GLIS1: variants seen among roughly 807,000 people sequenced by gnomAD.
GLIS1 encodes the protein zinc finger protein GLIS1.
A neutral mutation model predicts 63.8 loss-of-function variants in GLIS1; 24 were observed. The observed-to-expected ratio is 0.38, with a 90% confidence interval of 0.27 to 0.53. GLIS1 has a LOEUF of 0.53. GLIS1 is among the 20% of genes least tolerant of loss of function. The pLI is 0.85. For synonymous variants in GLIS1, 450 were observed against 482.5 expected, an observed-to-expected ratio of 0.93 and a Z score of 0.88; for missense variants, 1,036 against 1,074.1, an observed-to-expected ratio of 0.96 and a Z score of 0.50.
chr1:53,737,982 G>A lies in GLIS1; in HGVS notation c.83C>T (p.Ala28Val). The A allele has an allele frequency of 8.1e-7, 1 of 1,230,410 alleles. No homozygotes were observed. Among genetic ancestry groups the A allele is most frequent in the Non-Finnish European group, 1.0e-6 (1 of 987,066 alleles). The allele number at this position is 1,230,410 out of a possible 1,614,324, so 76.2% of individuals were successfully genotyped here. The stretch of plus-strand genomic sequence containing the variant: ...GAAGGCCATGTGCGCGCCGAGGCTG[G>A]CGGGGCCGCGGTCGGGGCCGGGCGC... ...PGAPGPDRGP[A>V]SLGAHMAFRV... Residue 28 changes from alanine to valine, a missense_variant, in exon 2 of 11, where the codon GCC (alanine) becomes GTC (valine). Physicochemically the swap from Ala to Val is moderately conservative, Grantham distance 64. Transcript: ENST00000628545.
At chr1:53,589,547 C>T (rs1645168307) in intron 4 of GLIS1, among the ~76,000 whole-genome samples, 1 of 152,230 alleles carries the variant, frequency 6.6e-6, no homozygotes, top group Admixed American at 6.5e-5. Context: ...GTTCTGAGTT[C>T]CTTGGCTAGT....
rs1352180585 is a variant in GLIS1, at chr1:53,574,384, T to A, written c.1320+19724A>T. Reference sequence around the variant, plus strand: ...GTACTCAATAAGATTATTGAATGAATGAACACTTCTCACCTTGGAAGACAG... The same window carrying A: ...GTACTCAATAAGATTATTGAATGAAAGAACACTTCTCACCTTGGAAGACAG... On this transcript the variant is annotated intron_variant, in intron 4 of 10. Transcript: ENST00000628545. The surrounding 1 kb of genome is among the most constrained non-coding windows in gnomAD (Gnocchi z 4.2). Among the ~76,000 whole-genome samples, 3 of 152,202 alleles carry A rather than the reference T, an allele frequency of 2.0e-5. No homozygotes were observed. The highest frequency in any genetic ancestry group is 6.5e-5 in the Admixed American group (1 of 15,282).
intron 3 of GLIS1, among the ~76,000 whole-genome samples, chr1:53,595,936 A>G (rs1645251420): frequency 6.6e-6 from 1 of 152,196 alleles, no homozygotes; most frequent in South Asian, 2.1e-4. Context: ...ATTTTGGGGA[A>G]AAGCCATGGG....
In GLIS1 at chr1:53,594,322, C is replaced by T. The variant is rs149706629; in HGVS notation, c.1106G>A (p.Arg369Gln). The stretch of plus-strand genomic sequence containing the variant: ...GCAGTCCACCCAGCGGCACGCCTGC[C>T]GCCCGGCCACCACCCTGCCTGCCAG... ...LGLAGRVVAG[R>Q]QACRWVDCCA... Residue 369 changes from arginine to glutamine, a missense_variant, in exon 4 of 11, where the codon CGG (arginine) becomes CAG (glutamine). Transcript: ENST00000628545. 1.3e-5 allele frequency: 21 copies of T among 1,611,688 alleles called. No homozygotes were observed. Among genetic ancestry groups the T allele is most frequent in the Non-Finnish European group, 1.7e-5 (20 of 1,179,562 alleles).
At chr1:53,518,104 A>G (rs904387179) in intron 7 of GLIS1, among the ~76,000 whole-genome samples, 1 of 152,190 alleles carries the variant, frequency 6.6e-6, no homozygotes, top group Non-Finnish European at 1.5e-5. Context: ...CGGCCTGCAG[A>G]AGAACCCAGC....
chr1:53,688,217 C>T (rs1313857370), intron 2 of GLIS1, among the ~76,000 whole-genome samples: 1 of 152,264 alleles, frequency 6.6e-6, no homozygotes, highest in Non-Finnish European at 1.5e-5. Flanking sequence ...AACATCCCCA[C>T]GGGCTCATCG....
At chr1:53,510,990 G>GCCCA (rs1644293244) in intron 8 of GLIS1, among the ~76,000 whole-genome samples, 1 of 152,120 alleles carries the variant, frequency 6.6e-6, no homozygotes, top group African/African-American at 2.4e-5. Context: ...AGCCCAGCCC[G>GCCCA]AGGGCCCACT....
intron 2 of GLIS1, among the ~76,000 whole-genome samples, chr1:53,631,484 G>C (rs1340408042): frequency 6.6e-6 from 1 of 152,140 alleles, no homozygotes; most frequent in Non-Finnish European, 1.5e-5. Flanking sequence ...ACATTATTCA[G>C]TCATCACATT....
chr1:53,722,293 C>T (rs910664091), intron 2 of GLIS1, among the ~76,000 whole-genome samples: 13 of 152,092 alleles, frequency 8.5e-5, no homozygotes, highest in Admixed American at 3.9e-4. Context: ...TAATCAGAAA[C>T]GCAAATGAAG....
At chr1:53,699,992 C>G (rs552844629) in intron 2 of GLIS1, among the ~76,000 whole-genome samples, 1 of 152,230 alleles carries the variant, frequency 6.6e-6, no homozygotes, top group East Asian at 1.9e-4. Flanking sequence ...GTTGAGTGAT[C>G]AGCAAAAGGT....
At chr1:53,536,003 G>A (rs951040910) in intron 4 of GLIS1, among the ~76,000 whole-genome samples, 5 of 152,048 alleles carry the variant, frequency 3.3e-5, no homozygotes, top group Non-Finnish European at 7.3e-5. Context: ...CACGCTTCCC[G>A]ACCCGATGAA....
Position 53,529,886 on chromosome 1 carries a change from C to T in GLIS1, c.1387G>A (p.Gly463Ser). ...TGCTGGCACAGGTACGGCTTCTCGC[C>T]CGTGTGGCTCCTCAGGTGGATCTTG... is the stretch of plus-strand genomic sequence containing the variant. ...NLKIHLRSHT[G>S]EKPYLCQHPG... The change falls in exon 5 of 11, where the codon GGC becomes AGC. Residue 463 changes from glycine (G) to serine (S), a missense_variant. Physicochemically the swap from Gly to Ser is moderately conservative, Grantham distance 56. Coordinates refer to ENST00000628545, the MANE Select transcript of GLIS1 (RefSeq NM_001367484.1). 6.2e-7 allele frequency: 1 copy of T among 1,613,978 alleles called. No homozygotes were observed. The highest frequency in any genetic ancestry group is 8.5e-7 in the Non-Finnish European group (1 of 1,179,978).
At chr1:53,565,316 T>A (rs1557453602) in intron 4 of GLIS1, among the ~76,000 whole-genome samples, 1 of 151,872 alleles carries the variant, frequency 6.6e-6, no homozygotes. Flanking sequence ...TGCTAGGAGA[T>A]CCATTTCAGA....
intron 7 of GLIS1, among the ~76,000 whole-genome samples, chr1:53,517,554 G>A (rs1021691027): frequency 3.3e-5 from 5 of 152,022 alleles, no homozygotes; most frequent in African/African-American, 9.7e-5. Flanking sequence ...CCTCAGCCAC[G>A]CTGACCTCAT....
intron 2 of GLIS1, among the ~76,000 whole-genome samples, chr1:53,714,786 G>C (rs1279364343): frequency 6.6e-6 from 1 of 152,258 alleles, no homozygotes; most frequent in East Asian, 1.9e-4. Flanking sequence ...GCGCAGCAAA[G>C]GATGTGCCAC....
chr1:53,587,061 T>C (rs935082035), intron 4 of GLIS1, among the ~76,000 whole-genome samples: 1 of 152,026 alleles, frequency 6.6e-6, no homozygotes, highest in Non-Finnish European at 1.5e-5. Flanking sequence ...GAAGGATGTA[T>C]AGGAGTTTGC....
At chr1:53,522,986 C>CTTTTTTTTTTTTTTTT (rs1553120127) in intron 6 of GLIS1, among the ~76,000 whole-genome samples, 2 of 43,690 alleles carry the variant, frequency 4.6e-5, no homozygotes, top group African/African-American at 8.8e-5. Flanking sequence ...TCTTTTCTTT[C>CTTTTTTTTTTTTTTTT]TTTTTTTTTT....
chr1:53,621,797 C>T (rs1264681114), intron 2 of GLIS1, among the ~76,000 whole-genome samples: 3 of 152,076 alleles, frequency 2.0e-5, no homozygotes, highest in African/African-American at 7.2e-5. Context: ...GGTCATCAGA[C>T]ATCAATGTTT....
chr1:53,569,173 G>C (rs1045440222), intron 4 of GLIS1, among the ~76,000 whole-genome samples: 2 of 152,218 alleles, frequency 1.3e-5, no homozygotes, highest in Admixed American at 1.3e-4. Context: ...GCAGCACACA[G>C]AGGACTTTTA....
Sources: allele counts gnomAD v4.1 joint callset (sites outside exome capture counted in the v4.1 genomes callset), GRCh38; gene constraint gnomAD v4.1.1; non-coding constraint Gnocchi (gnomAD v3.1); transcripts MANE v1.5; gene names NCBI Gene and HGNC (gene_info 2026-07-23, HGNC 2026-07-21).